MACF1: variants seen among roughly 807,000 people sequenced by gnomAD.
The protein encoded by MACF1 is microtubule-actin cross-linking factor 1.
A neutral mutation model predicts 854.8 loss-of-function variants in MACF1; 193 were observed. The observed-to-expected ratio is 0.23, with a 90% CI of 0.20 to 0.25. MACF1 has a LOEUF of 0.25. Among genes scored for constraint, MACF1 ranks in the 10% least tolerant of loss-of-function variants. The probability of loss-of-function intolerance (pLI) is 1.00; values close to 1 mark genes in which losing one functional copy is unlikely to be tolerated. For synonymous variants in MACF1, 3,185 were observed against 3,226.7 expected, an observed-to-expected ratio of 0.99 and a Z score of 0.44; for missense variants, 7,722 against 8,929.1, an observed-to-expected ratio of 0.86 and a Z score of 5.45.
intron 97 of MACF1, among the ~76,000 whole-genome samples, chr1:39,472,632 A>G (rs775190137): frequency 1.3e-5 from 2 of 152,218 alleles, no homozygotes; most frequent in African/African-American, 2.4e-5. Flanking sequence ...AAATGCAAAT[A>G]TCCATGGGAG....
intron 1 of MACF1, among the ~76,000 whole-genome samples, chr1:39,209,726 G>A (rs1468724284): frequency 6.6e-6 from 1 of 152,058 alleles, no homozygotes; most frequent in Non-Finnish European, 1.5e-5. Flanking sequence ...CCTTGTACAT[G>A]AATTGTTGTT....
intron 1 of MACF1, among the ~76,000 whole-genome samples, chr1:39,222,333 C>T (rs766203976): frequency 1.7e-4 from 26 of 152,286 alleles, no homozygotes; most frequent in Non-Finnish European, 3.5e-4. Context: ...TCATATTGCC[C>T]AGGCTGGTCT....
rs924139930 is a variant in MACF1 at position 39,291,994 on chromosome 1, G to A, written c.1870G>A (p.Val624Ile). Residue 624 changes from valine (V) to isoleucine (I), a missense_variant, in exon 16 of 101, where the codon GTA becomes ATA. Physicochemically the swap from Val to Ile is conservative, Grantham distance 29. Coordinates refer to ENST00000564288, the MANE Select transcript of MACF1 (RefSeq NM_001394062.1). ...AACACAGCAGCACATCCATACGAGT[G>A]TAGAAGAGCTGGGCTCAAGTGTCAA... ...LETQQHIHTS[V>I]EELGSSVKEA... 1.9e-6 allele frequency: 3 copies of A among 1,614,100 alleles called. No homozygotes were observed. The East Asian group carries it at 6.7e-5, about 36-fold the overall frequency.
At chr1:39,284,037 G>T in intron 9 of MACF1, 29 bp from the exon 10 acceptor site, 1 of 1,611,256 alleles carries the variant, frequency 6.2e-7, no homozygotes, top group Non-Finnish European at 8.5e-7. Flanking sequence ...TTGCTAATCA[G>T]GTGTGTGATG....
chr1:39,324,189 C>G lies in MACF1; in HGVS notation c.4237-4C>G. On this transcript the variant is annotated splice_polypyrimidine_tract_variant and splice_region_variant and intron_variant, in intron 33 of 100. Transcript: ENST00000564288. ...GCATATTGATTTTCTATTTCCTATT[C>G]TAGAAAGTGGTAGAAGAGGAGAAAC... The G allele has an allele frequency of 6.3e-7, 1 of 1,587,252 alleles. No individual in the cohort carries two copies. The highest frequency in any genetic ancestry group is 8.6e-7 in the Non-Finnish European group (1 of 1,168,984).
chr1:39,293,432 A>C, intron 17 of MACF1, 26 bp from the exon 18 acceptor site: 1 of 1,588,430 alleles, frequency 6.3e-7, no homozygotes, highest in Non-Finnish European at 8.6e-7. Flanking sequence ...CTGCCAGTCT[A>C]ATCTTATAAT....
chr1:39,204,045 G>A (rs1014194387), upstream of MACF1, among the ~76,000 whole-genome samples: 1 of 152,094 alleles, frequency 6.6e-6, no homozygotes, highest in Non-Finnish European at 1.5e-5. Flanking sequence ...AGGCAGAGGC[G>A]GGAGGATTGC....
At chr1:39,229,870 G>C (rs546174552) in intron 1 of MACF1, among the ~76,000 whole-genome samples, 1 of 152,118 alleles carries the variant, frequency 6.6e-6, no homozygotes, top group South Asian at 2.1e-4. Flanking sequence ...TCAGCCTCTT[G>C]AGTAGCTAGG....
In MACF1 at chr1:39,439,312, G is replaced by A; in HGVS notation, c.18259G>A (p.Glu6087Lys). The A allele has an allele frequency of 6.2e-7, 1 of 1,613,832 alleles. No homozygotes were observed. The highest frequency in any genetic ancestry group is 8.5e-7 in the Non-Finnish European group (1 of 1,179,840). The change falls in exon 72 of 101, where the codon GAG (glutamate) becomes AAG (lysine). Residue 6087 changes from glutamate (E) to lysine (K), a missense_variant. Physicochemically the swap from Glu to Lys is moderately conservative, Grantham distance 56. This residue lies in a region of MACF1 where 2,807 missense variants were observed against 3,235.8 expected (regional missense o/e 0.87). Coordinates refer to ENST00000564288, the MANE Select transcript of MACF1 (RefSeq NM_001394062.1). ...ATTGGATCAAATGGTATTCTTCTGG[G>A]AGGACATCAAAGCTCGGGCTGAAGA... ...DKLDQMVFFW[E>K]DIKARAEERE...
At chr1:39,113,907 A>C (rs1437411881) in intron 2 of MACF1, among the ~76,000 whole-genome samples, 2 of 152,044 alleles carry the variant, frequency 1.3e-5, no homozygotes, top group Admixed American at 6.5e-5. Context: ...ATGGTGGTAC[A>C]TGCCTGTAGT....
In MACF1 at chr1:39,317,323, G is replaced by A. The variant is rs767291598; in HGVS notation, c.3698G>A (p.Arg1233Gln). ...AEQMSRLTPE[R>Q]NLDLERYQEK... is the part of the protein sequence containing the mutation. ...CAGATGAGTCGTCTGACACCAGAGC[G>A]AAATCTGGATTTGGAGCGCTATCAG... The change falls in exon 29 of 101, where the codon CGA becomes CAA. Residue 1233 changes from arginine to glutamine, a missense_variant. Coordinates refer to ENST00000564288, the MANE Select transcript of MACF1 (RefSeq NM_001394062.1). The A allele has an allele frequency of 1.7e-5, 28 of 1,613,936 alleles. No homozygotes were observed. The highest frequency in any genetic ancestry group is 2.2e-5 in the South Asian group (2 of 91,080).
chr1:39,401,894 T>C (rs1194343794), intron 58 of MACF1, among the ~76,000 whole-genome samples: 1 of 152,198 alleles, frequency 6.6e-6, no homozygotes, highest in African/African-American at 2.4e-5. Context: ...CTCTGTATTA[T>C]TTATTCTGCC....
chr1:39,373,991 C>T (rs139522812), intron 52 of MACF1, among the ~76,000 whole-genome samples: 35 of 152,224 alleles, frequency 2.3e-4, no homozygotes, highest in African/African-American at 8.4e-4. Context: ...CCTGTAATCC[C>T]AGCACTTTGG....
chr1:39,379,352 C>T lies in MACF1; in HGVS notation c.13426C>T (p.Leu4476=), dbSNP rs370834104. The T allele has an allele frequency of 5.6e-6, 9 of 1,613,966 alleles. No individual in the cohort carries two copies. Among genetic ancestry groups the T allele is most frequent in the Admixed American group, 1.7e-5 (1 of 59,982 alleles). Residue 4476 remains leucine (L), a synonymous_variant, in exon 54 of 101, where the codon CTG becomes TTG. Transcript: ENST00000564288. ...HKEANSVLQW[L]ESKEEVLKSM... ...GGAGGCAAACTCTGTGCTGCAGTGG[C>T]TGGAATCAAAAGAGGAAGTCCTGAA...
At chr1:39,415,690 G>A (rs959186850) in intron 58 of MACF1, among the ~76,000 whole-genome samples, 2 of 152,210 alleles carry the variant, frequency 1.3e-5, no homozygotes, top group South Asian at 2.1e-4. Context: ...TTAGAGAACC[G>A]AATGTGTTAG....
At position 39,353,137 on chromosome 1, in the gene MACF1, C is replaced by T. The variant is rs1647249678; in HGVS notation, c.11330C>T (p.Ala3777Val). 2 of 1,613,996 alleles carry T rather than the reference C, an allele frequency of 1.2e-6. No individual in the cohort carries two copies. Among genetic ancestry groups the T allele is most frequent in the South Asian group, 1.1e-5 (1 of 91,080 alleles). ...NLPGMEQLSG[A>V]SLEKGALDTT... The stretch of plus-strand genomic sequence containing the variant: ...CCAGGAATGGAGCAGCTCTCGGGAG[C>T]TAGCTTGGAGAAAGGAGCCTTGGAC... Residue 3777 changes from alanine to valine, a missense_variant, in exon 44 of 101, where the codon GCT becomes GTT. Around this residue, in one of 15 missense-constraint regions of MACF1, gnomAD observed 2,807 missense variants for 3,235.8 expected, o/e 0.87. Coordinates refer to ENST00000564288, the MANE Select transcript of MACF1 (RefSeq NM_001394062.1).
chr1:39,371,341 G>C (rs1050309777), intron 51 of MACF1, among the ~76,000 whole-genome samples: 9 of 143,748 alleles, frequency 6.3e-5, no homozygotes, highest in Non-Finnish European at 1.4e-4. Context: ...AAAAAAAAAA[G>C]AGTGATTAAT....
intron 47 of MACF1, among the ~76,000 whole-genome samples, chr1:39,360,307 T>C (rs1017150137): frequency 1.5e-4 from 23 of 151,750 alleles, no homozygotes; most frequent in Non-Finnish European, 3.4e-4. Context: ...CACTTAAGAT[T>C]TGATTTTTAT....
At chr1:39,119,181 G>T (rs1361114975) in intron 2 of MACF1, among the ~76,000 whole-genome samples, 1 of 152,058 alleles carries the variant, frequency 6.6e-6, no homozygotes, top group African/African-American at 2.4e-5. Context: ...AGCTGGCGTG[G>T]TGGCCCATGC....
Sources: gnomAD v4.1 joint callset for allele counts (sites outside exome capture counted in the v4.1 genomes callset) on GRCh38, gnomAD v4.1.1 for gene constraint, gnomAD v4.1.1 regional missense constraint, MANE v1.5 for transcripts, NCBI Gene and HGNC (gene_info 2026-07-23, HGNC 2026-07-21) for gene names.